The following NCAM2 variants were observed in gnomAD, a reference collection of about 807,000 sequenced individuals.
NCAM2 encodes neural cell adhesion molecule 2, also known as N-CAM-2.
NCAM2 carries 30 observed loss-of-function variants against 98.1 expected under a neutral mutation model. The ratio of observed to expected loss-of-function variants is 0.31; its 90% CI spans 0.23 to 0.41. The LOEUF is 0.41. Ranked by LOEUF, NCAM2 falls within the 10% of genes least tolerant of loss-of-function variation. The pLI is 1.00. For missense variants in NCAM2, 867 were observed against 1,005.8 expected (o/e 0.86, Z 1.87); for synonymous variants, 368 against 342.4 (o/e 1.07, Z -0.83).
intron 16 of NCAM2, among the ~76,000 whole-genome samples, chr21:21,528,116 C>T (rs569539021): frequency 6.6e-6 from 1 of 152,152 alleles, no homozygotes; most frequent in African/African-American, 2.4e-5. Flanking sequence ...CTTTATAATT[C>T]CAACTATATG....
chr21:21,257,786 T>C (rs1017353698), intron 1 of NCAM2, among the ~76,000 whole-genome samples: 1 of 152,146 alleles, frequency 6.6e-6, no homozygotes, highest in Non-Finnish European at 1.5e-5. Context: ...TTTCACCATG[T>C]TGGCCAAGCT....
intron 5 of NCAM2, among the ~76,000 whole-genome samples, chr21:21,302,353 C>G (rs531936818): frequency 6.3e-4 from 96 of 152,164 alleles, no homozygotes; most frequent in African/African-American, 2.2e-3. Flanking sequence ...GTTATCCCAG[C>G]ACTATTTAAT....
chr21:21,052,545 GA>G (rs56857651), intron 1 of NCAM2, among the ~76,000 whole-genome samples: 3,240 of 148,848 alleles, frequency 0.022, 102 homozygotes, highest in African/African-American at 0.075. Context: ...AGGCTGGACA[GA>G]AAAAAAAAAT....
chr21:21,350,551 A>G (rs1371682118), intron 8 of NCAM2, among the ~76,000 whole-genome samples: 1 of 152,194 alleles, frequency 6.6e-6, no homozygotes, highest in African/African-American at 2.4e-5. Flanking sequence ...TGCTTTGAGG[A>G]AGATATTGAA....
intron 1 of NCAM2, among the ~76,000 whole-genome samples, chr21:21,154,229 G>A (rs1309643847): frequency 1.3e-5 from 2 of 151,746 alleles, no homozygotes; most frequent in Non-Finnish European, 3.0e-5. Context: ...ATTTTATCTA[G>A]CATATCAATT....
intron 1 of NCAM2, among the ~76,000 whole-genome samples, chr21:21,023,522 A>T (rs1415562191): frequency 2.2e-5 from 3 of 137,658 alleles, no homozygotes; most frequent in African/African-American, 8.4e-5. Flanking sequence ...AGACTCCATT[A>T]AAAAAAAAAA....
At chr21:21,416,482 C>T (rs76007882) in intron 10 of NCAM2, among the ~76,000 whole-genome samples, 2,720 of 150,104 alleles carry the variant, frequency 0.018, 79 homozygotes, top group East Asian at 0.14. Context: ...TTGCTACAAA[C>T]CTTCAATTTG....
intron 15 of NCAM2, among the ~76,000 whole-genome samples, chr21:21,484,201 G>A (rs1986143702): frequency 1.3e-5 from 2 of 152,020 alleles, no homozygotes; most frequent in Admixed American, 6.6e-5. Flanking sequence ...ATTGACCTTT[G>A]TATGTTTTTA....
At chr21:21,381,050 T>A (rs1371894854) in intron 9 of NCAM2, among the ~76,000 whole-genome samples, 1 of 152,242 alleles carries the variant, frequency 6.6e-6, no homozygotes, top group East Asian at 1.9e-4. Flanking sequence ...AATTAAAATG[T>A]GTCTTTTTAG....
intron 1 of NCAM2, among the ~76,000 whole-genome samples, chr21:21,002,005 C>G (rs1055640704): frequency 8.5e-5 from 13 of 152,162 alleles, no homozygotes; most frequent in Non-Finnish European, 1.6e-4. Flanking sequence ...TTACATGGCT[C>G]CAGCCTCTCT....
rs540383568 is a variant in NCAM2, at chr21:21,032,725, C to T, written c.55+34107C>T. Among the ~76,000 whole-genome samples the T allele has an allele frequency of 1.1e-4, 16 of 152,120 alleles. No homozygotes were observed. In the South Asian group the frequency reaches 2.9e-3, roughly 28 times the overall value. On this transcript the variant is annotated intron_variant, in intron 1 of 17. Transcript: ENST00000400546. ...TATTTCAAATACCAATTTACTCAAA[C>T]AATAGAATAGTCAGAAACATAATAA... is the stretch of plus-strand genomic sequence containing the variant.
chr21:21,075,091 A>T (rs537776259), intron 1 of NCAM2, among the ~76,000 whole-genome samples: 1 of 152,190 alleles, frequency 6.6e-6, no homozygotes, highest in Non-Finnish European at 1.5e-5. Context: ...ACAGGGACAG[A>T]AAACCAAATA....
intron 8 of NCAM2, among the ~76,000 whole-genome samples, chr21:21,350,191 C>T (rs916695699): frequency 6.6e-6 from 1 of 151,854 alleles, no homozygotes; most frequent in African/African-American, 2.4e-5. Flanking sequence ...ATACATACAC[C>T]TACTATGTAC....
chr21:21,212,841 C>T (rs1439969972), intron 1 of NCAM2, among the ~76,000 whole-genome samples: 1 of 150,688 alleles, frequency 6.6e-6, no homozygotes, highest in Admixed American at 6.7e-5. Context: ...CTCCCGGGCT[C>T]ACGCCATTCT....
intron 1 of NCAM2, among the ~76,000 whole-genome samples, chr21:21,099,170 A>AAGG (rs5842886): frequency 0.3 from 45,551 of 151,516 alleles, 9,914 homozygotes; most frequent in African/African-American, 0.62. Context: ...AGGCAAAACA[A>AAGG]AGGATCAATA....
intron 1 of NCAM2, among the ~76,000 whole-genome samples, chr21:21,029,413 C>CT (rs889102467): frequency 6.6e-6 from 1 of 152,064 alleles, no homozygotes; most frequent in South Asian, 2.1e-4. Context: ...TCCATACGTC[C>CT]TTTTTTCTGT....
intron 9 of NCAM2, among the ~76,000 whole-genome samples, chr21:21,387,780 A>C (rs2076300755): frequency 6.6e-6 from 1 of 152,224 alleles, no homozygotes. Context: ...TATAGAATTG[A>C]ATAAAGCAAA....
At chr21:21,321,546 T>C (rs2147782022) in intron 5 of NCAM2, among the ~76,000 whole-genome samples, 1 of 152,290 alleles carries the variant, frequency 6.6e-6, no homozygotes, top group Admixed American at 6.5e-5. Context: ...TTTTATAGTT[T>C]GAGGCGTTAC....
intron 1 of NCAM2, among the ~76,000 whole-genome samples, chr21:21,179,128 A>G (rs1437883918): frequency 1.3e-5 from 2 of 152,164 alleles, no homozygotes; most frequent in Non-Finnish European, 2.9e-5. Flanking sequence ...TAATGAATTT[A>G]AGGTTAGGAG....
Sources: allele counts gnomAD v4.1 joint callset (sites outside exome capture counted in the v4.1 genomes callset), GRCh38; gene constraint gnomAD v4.1.1; transcripts MANE v1.5; gene names NCBI Gene and HGNC (gene_info 2026-07-23, HGNC 2026-07-21).